The following MYT1L variants were observed in gnomAD, a reference collection of about 807,000 sequenced individuals.
MYT1L encodes the protein myelin transcription factor 1 like, also known as myelin transcription factor 1-like protein.
MYT1L carries 12 observed loss-of-function variants against 126.7 expected under a neutral mutation model. The ratio of observed to expected loss-of-function variants is 0.09; its 90% CI spans 0.06 to 0.15. The LOEUF is 0.15. Among genes scored for constraint, MYT1L ranks in the 10% least tolerant of loss-of-function variants. MYT1L has a pLI of 1.00. For missense variants in MYT1L, 979 were observed against 1,585.2 expected (o/e 0.62, Z 6.49); for synonymous variants, 541 against 604.2 (o/e 0.90, Z 1.53).
At chr2:1,831,947 C>T (rs556690006) in intron 21 of MYT1L, among the ~76,000 whole-genome samples, 15 of 152,224 alleles carry the variant, frequency 9.9e-5, no homozygotes, top group African/African-American at 2.4e-4. Context: ...AGACACTTCC[C>T]GAGGCCCGTT....
At chr2:1,926,153 C>A (rs895330309) in intron 9 of MYT1L, among the ~76,000 whole-genome samples, 1 of 152,100 alleles carries the variant, frequency 6.6e-6, no homozygotes, top group South Asian at 2.1e-4. Flanking sequence ...GTGAAGATGG[C>A]GTGGGTGGCC....
chr2:2,204,291 C>T (rs1572430200), intron 2 of MYT1L, among the ~76,000 whole-genome samples: 1 of 151,820 alleles, frequency 6.6e-6, no homozygotes, highest in East Asian at 1.9e-4. Flanking sequence ...AGCTTCTGCA[C>T]AGCAAAAGAA....
At chr2:2,253,208 C>A (rs1236704577) in intron 2 of MYT1L, among the ~76,000 whole-genome samples, 1 of 152,222 alleles carries the variant, frequency 6.6e-6, no homozygotes, top group African/African-American at 2.4e-5. Context: ...GGAGCGGGCT[C>A]CACTGTCCAG....
At chr2:1,827,750 A>G (rs1378691820) in intron 21 of MYT1L, 1 of 152,184 alleles carries the variant, frequency 6.6e-6, no homozygotes, top group African/African-American at 2.4e-5. Context: ...TGTCCATGAC[A>G]GGGAGAGCGA....
intron 21 of MYT1L, among the ~76,000 whole-genome samples, chr2:1,837,666 C>T (rs972381726): frequency 6.6e-6 from 1 of 152,070 alleles, no homozygotes; most frequent in Non-Finnish European, 1.5e-5. Flanking sequence ...TGAGGCGGCT[C>T]TGTGACACCC....
chr2:2,166,433 T>G (rs2089128526), intron 3 of MYT1L, among the ~76,000 whole-genome samples: 1 of 152,246 alleles, frequency 6.6e-6, no homozygotes, highest in Non-Finnish European at 1.5e-5. Context: ...TCTACATGCA[T>G]AACTGTGTAT....
At chr2:2,308,082 C>T (rs1309277890) in intron 1 of MYT1L, among the ~76,000 whole-genome samples, 3 of 151,878 alleles carry the variant, frequency 2.0e-5, no homozygotes, top group African/African-American at 4.8e-5. Flanking sequence ...TACTTCTGTA[C>T]ACTCTACCTA....
chr2:2,065,654 A>G (rs1374288932), intron 3 of MYT1L, among the ~76,000 whole-genome samples: 1 of 152,138 alleles, frequency 6.6e-6, no homozygotes, highest in African/African-American at 2.4e-5. Context: ...CTTCCTTGCA[A>G]TGAGTTCGCA....
At position 2,224,577 on chromosome 2, in the gene MYT1L, T is replaced by C. The variant is rs948772138; in HGVS notation, c.-420-51589A>G. Among the ~76,000 whole-genome samples the C allele has an allele frequency of 6.6e-6, 1 of 152,060 alleles. No individual in the cohort carries two copies. Among genetic ancestry groups the C allele is most frequent in the Non-Finnish European group, 1.5e-5 (1 of 68,018 alleles). ...GCTGAAGCCTGTAATCTCAACACTT[T>C]GGGAGGTCAAGACGGGCGGATCACG... On this transcript the variant is annotated intron_variant, in intron 2 of 24. Transcript: ENST00000647738. The surrounding 1 kb of genome is among the most constrained non-coding windows in gnomAD (Gnocchi z 4.0).
At chr2:1,875,675 G>A (rs1454236879) in intron 18 of MYT1L, among the ~76,000 whole-genome samples, 1 of 152,156 alleles carries the variant, frequency 6.6e-6, no homozygotes, top group Non-Finnish European at 1.5e-5. Flanking sequence ...GGATGTCCGG[G>A]GATCGATGAG....
chr2:2,115,828 C>T (rs11687031), intron 3 of MYT1L, among the ~76,000 whole-genome samples: 56 of 144,378 alleles, frequency 3.9e-4, no homozygotes, highest in African/African-American at 1.4e-3. Context: ...GTCCAGTCGA[C>T]GAAAACAGGA....
rs5828881 is a variant in MYT1L at position 1,874,190 on chromosome 2, CTTT to C, written c.2711+12346_2711+12348del. On this transcript the variant is annotated intron_variant, in intron 18 of 24. Coordinates refer to ENST00000647738, the MANE Select transcript of MYT1L (RefSeq NM_001303052.2). ...CCAGGTGTGGAAAACAGGAAACGCT[CTTT>C]TTTTTTTTTCCCCCAAGATGAATTT... 3.6e-3 allele frequency among the ~76,000 whole-genome samples: 537 copies of C among 148,096 alleles called. 6 individuals are homozygous for C. The highest frequency in any genetic ancestry group is 0.012 in the African/African-American group (486 of 40,736).
chr2:2,115,426 C>T (rs73911395), intron 3 of MYT1L, among the ~76,000 whole-genome samples: 3,049 of 152,274 alleles, frequency 0.02, 92 homozygotes, highest in African/African-American at 0.066. Flanking sequence ...GGTTCTCTCA[C>T]GTTTTTATAA....
chr2:2,216,466 G>A (rs1212095406), intron 2 of MYT1L, among the ~76,000 whole-genome samples: 1 of 152,138 alleles, frequency 6.6e-6, no homozygotes, highest in African/African-American at 2.4e-5. Flanking sequence ...TCAACTGGAT[G>A]AAAATGAAAA....
intron 9 of MYT1L, among the ~76,000 whole-genome samples, chr2:1,939,766 G>T (rs1340450257): frequency 6.6e-6 from 1 of 152,204 alleles, no homozygotes; most frequent in Non-Finnish European, 1.5e-5. Flanking sequence ...CCCTGATGGG[G>T]TATAAGAGAC....
At chr2:1,862,848 G>A (rs1377585474) in intron 18 of MYT1L, among the ~76,000 whole-genome samples, 4 of 152,138 alleles carry the variant, frequency 2.6e-5, no homozygotes, top group African/African-American at 4.8e-5. Context: ...GTGGACAGGG[G>A]AGAGGGAAAA....
intron 11 of MYT1L, among the ~76,000 whole-genome samples, chr2:1,916,320 C>A (rs1466814545): frequency 6.6e-6 from 1 of 152,168 alleles, no homozygotes; most frequent in African/African-American, 2.4e-5. Flanking sequence ...AAGTAGTTAA[C>A]TGGTCATCTT....
At chr2:1,971,422 A>G (rs1309069720) in intron 8 of MYT1L, among the ~76,000 whole-genome samples, 1 of 152,176 alleles carries the variant, frequency 6.6e-6, no homozygotes, top group Non-Finnish European at 1.5e-5. Flanking sequence ...GGTTGACTGC[A>G]ACCACCACCC....
chr2:2,184,407 C>A (rs2091899752), intron 2 of MYT1L, among the ~76,000 whole-genome samples: 1 of 152,150 alleles, frequency 6.6e-6, no homozygotes, highest in Admixed American at 6.5e-5. Flanking sequence ...CGGACGAAGG[C>A]CCTCAGTGCT....
Sources: gnomAD v4.1 joint callset for allele counts (sites outside exome capture counted in the v4.1 genomes callset) on GRCh38, gnomAD v4.1.1 for gene constraint, Gnocchi (gnomAD v3.1) non-coding constraint, MANE v1.5 for transcripts, NCBI Gene and HGNC (gene_info 2026-07-23, HGNC 2026-07-21) for gene names.